PARP8: variants seen among roughly 807,000 people sequenced by gnomAD.
The protein encoded by PARP8 is poly(ADP-ribose) polymerase family member 8, also known as protein mono-ADP-ribosyltransferase PARP8.
In PARP8, 51 loss-of-function variants were observed where a neutral mutation model predicts 124.1. The ratio of observed to expected loss-of-function variants is 0.41; its 90% CI spans 0.33 to 0.52. The LOEUF is 0.52. Among genes scored for constraint, PARP8 ranks in the 20% least tolerant of loss-of-function variants. PARP8 has a pLI of 0.21. For missense variants in PARP8, 860 were observed against 1,018.9 expected (o/e 0.84, Z 2.12); for synonymous variants, 391 against 361.5 (o/e 1.08, Z -0.93).
intron 2 of PARP8, among the ~76,000 whole-genome samples, chr5:50,726,508 T>C (rs1198700452): frequency 3.3e-5 from 5 of 152,226 alleles, no homozygotes; most frequent in African/African-American, 1.2e-4. Context: ...CACTAACCAC[T>C]GTAAAGCATA....
At chr5:50,739,572 A>G (rs1444969874) in intron 2 of PARP8, among the ~76,000 whole-genome samples, 1 of 151,816 alleles carries the variant, frequency 6.6e-6, no homozygotes, top group African/African-American at 2.4e-5. Flanking sequence ...TGAGGTTTAT[A>G]TTGTAAAGGC....
chr5:50,840,688 T>A (rs544954046), intron 25 of PARP8, among the ~76,000 whole-genome samples: 1 of 151,838 alleles, frequency 6.6e-6, no homozygotes, highest in East Asian at 1.9e-4. Context: ...AACTGAGGTG[T>A]GATTCATGTA....
intron 2 of PARP8, among the ~76,000 whole-genome samples, chr5:50,724,197 A>G (rs1213217500): frequency 6.6e-6 from 1 of 152,094 alleles, no homozygotes; most frequent in Admixed American, 6.6e-5. Flanking sequence ...TTGTCTGTTT[A>G]TATTATATGC....
intron 10 of PARP8, among the ~76,000 whole-genome samples, chr5:50,790,490 C>T (rs566214869): frequency 6.6e-6 from 1 of 152,026 alleles, no homozygotes; most frequent in South Asian, 2.1e-4. Flanking sequence ...TTTTTTTCCT[C>T]ACTCAATTTC....
intron 17 of PARP8, among the ~76,000 whole-genome samples, chr5:50,822,840 G>A (rs1197049471): frequency 6.6e-6 from 1 of 152,118 alleles, no homozygotes; most frequent in Non-Finnish European, 1.5e-5. Flanking sequence ...AAGATGCCAG[G>A]CTCCCGGAGA....
At chr5:50,812,176 CCACAGTGGTTAAACTAGTTTA>C (rs1458303784) in intron 14 of PARP8, among the ~76,000 whole-genome samples, 5 of 152,180 alleles carry the variant, frequency 3.3e-5, no homozygotes, top group Non-Finnish European at 5.9e-5. Flanking sequence ...ACACTGTCTT[CCACAGTGGTTAAACTAGTTTA>C]CACTCCCACC....
Position 50,797,203 on chromosome 5 carries a change from A to T in PARP8, c.1545A>T (p.Pro515=). Residue 515 remains proline (P), a synonymous_variant, in exon 14 of 26, where the codon CCA becomes CCT. Transcript: ENST00000281631. ...AATATTGTGTGGTTTGTGATGAGCC[A>T]CATGTGTTTCAAAATGGCCCTATGC... ...LNEYCVVCDE[P]HVFQNGPMLR... The T allele has an allele frequency of 6.2e-7, 1 of 1,611,952 alleles. No individual in the cohort carries two copies. The highest frequency in any genetic ancestry group is 8.5e-7 in the Non-Finnish European group (1 of 1,178,640).
intron 2 of PARP8, among the ~76,000 whole-genome samples, chr5:50,741,271 A>G (rs1758014980): frequency 2.0e-5 from 3 of 152,168 alleles, no homozygotes; most frequent in Admixed American, 1.3e-4. Flanking sequence ...GTTTGATGAC[A>G]TGCTCTATCT....
intron 2 of PARP8, among the ~76,000 whole-genome samples, chr5:50,711,077 G>T (rs569329712): frequency 3.3e-5 from 5 of 152,166 alleles, no homozygotes; most frequent in African/African-American, 1.2e-4. Flanking sequence ...GTTGCTACTG[G>T]TCGTCTGTAA....
chr5:50,746,629 C>T (rs1758571807), intron 2 of PARP8, among the ~76,000 whole-genome samples: 1 of 152,082 alleles, frequency 6.6e-6, no homozygotes, highest in African/African-American at 2.4e-5. Flanking sequence ...CTCTGGTTCC[C>T]TCTAAATTAA....
At chr5:50,837,935 T>C (rs189281324) in intron 25 of PARP8, among the ~76,000 whole-genome samples, 24 of 152,202 alleles carry the variant, frequency 1.6e-4, no homozygotes, top group African/African-American at 5.8e-4. Flanking sequence ...AATTCCTAGT[T>C]TCTAGAAACT....
chr5:50,760,336 T>C lies in PARP8; in HGVS notation c.319T>C (p.Ser107Pro), dbSNP rs776238227. 2.0e-6 allele frequency: 3 copies of C among 1,534,926 alleles called. No individual in the cohort carries two copies. The highest frequency in any genetic ancestry group is 2.7e-6 in the Non-Finnish European group (3 of 1,124,052). Residue 107 changes from serine (S) to proline (P), a missense_variant, in exon 5 of 26, where the codon TCC becomes CCC. By Grantham distance (74) the Ser-to-Pro change is moderately conservative (BLOSUM62 -1). Transcript: ENST00000281631. Reference sequence around the variant, plus strand: ...CATTAACTGTTGCTTATCCATAAAATCCAAATTACAAAAGGAAAATGGGGA... The same window carrying C: ...CATTAACTGTTGCTTATCCATAAAACCCAAATTACAAAAGGAAAATGGGGA... ...NDINCCLSIK[S>P]KLQKENGEES...
At chr5:50,692,748 A>T (rs1259549445) in intron 2 of PARP8, among the ~76,000 whole-genome samples, 1 of 152,076 alleles carries the variant, frequency 6.6e-6, no homozygotes, top group Non-Finnish European at 1.5e-5. Flanking sequence ...CTTAAATTTC[A>T]GCTTCAGTAG....
At chr5:50,699,388 A>T (rs1387208703) in intron 2 of PARP8, among the ~76,000 whole-genome samples, 2 of 152,214 alleles carry the variant, frequency 1.3e-5, no homozygotes, top group African/African-American at 2.4e-5. Flanking sequence ...TTGCAATACC[A>T]GAAGTTATTT....
chr5:50,768,885 GT>G, intron 7 of PARP8, among the ~76,000 whole-genome samples: 1 of 152,198 alleles, frequency 6.6e-6, no homozygotes, highest in Non-Finnish European at 1.5e-5. Context: ...ACGGAAATGG[GT>G]TTGCATATAC....
intron 7 of PARP8, among the ~76,000 whole-genome samples, chr5:50,770,773 T>A (rs1761544918): frequency 6.6e-6 from 1 of 152,064 alleles, no homozygotes; most frequent in African/African-American, 2.4e-5. Context: ...GCAGAGACTG[T>A]ATGTAGCCTG....
intron 2 of PARP8, among the ~76,000 whole-genome samples, chr5:50,747,158 G>GTTTTTTT (rs1370932889): frequency 4.7e-4 from 39 of 82,174 alleles, no homozygotes; most frequent in South Asian, 1.3e-3. Context: ...TTGTTTGTTT[G>GTTTTTTT]TTTTGTTTTT....
chr5:50,685,439 T>C (rs1435229246), intron 2 of PARP8, among the ~76,000 whole-genome samples: 1 of 152,222 alleles, frequency 6.6e-6, no homozygotes, highest in Non-Finnish European at 1.5e-5. Flanking sequence ...CTCCTGCAGT[T>C]CTTCCTTTTC....
In PARP8 at chr5:50,834,144, G is replaced by C. The variant is rs1435197376; in HGVS notation, c.2377+96G>C. 5.1e-6 allele frequency: 5 copies of C among 979,456 alleles called. No individual in the cohort carries two copies. The African/African-American group carries it at 6.6e-5, about 13-fold the overall frequency. 60.7% of individuals were successfully genotyped at this position (979,456 alleles called of 1,614,324 possible). A position where few individuals can be genotyped will look rare whatever the true frequency, so the allele number is the denominator to read the frequency against. ...TTTACAGAGTGCTTACGGTGGAATA[G>C]GGAAAGCATTATTCCTTATGATCAT... On this transcript the variant is annotated intron_variant, in intron 24 of 25. Transcript: ENST00000281631.
Sources: allele counts gnomAD v4.1 joint callset (sites outside exome capture counted in the v4.1 genomes callset), GRCh38; gene constraint gnomAD v4.1.1; transcripts MANE v1.5; gene names NCBI Gene and HGNC (gene_info 2026-07-23, HGNC 2026-07-21).